Variants in TRAF3 observed in about 807,000 individuals in gnomAD.
TRAF3 encodes the protein TNF receptor associated factor 3.
Under a neutral mutation model 62.3 loss-of-function variants are expected in TRAF3, and 13 were observed. The observed-to-expected ratio is 0.21, with a 90% CI of 0.14 to 0.33. The LOEUF is 0.33. TRAF3 is among the 10% of genes least tolerant of loss of function. The probability of loss-of-function intolerance (pLI) is 1.00; values close to 1 mark genes in which losing one functional copy is unlikely to be tolerated. For missense variants in TRAF3, 440 were observed against 741.8 expected (o/e 0.59, Z 4.73); for synonymous variants, 269 against 283.4 (o/e 0.95, Z 0.51).
chr14:102,782,836 A>G (rs1897322189), intron 1 of TRAF3, among the ~76,000 whole-genome samples: 1 of 152,174 alleles, frequency 6.6e-6, no homozygotes, highest in Non-Finnish European at 1.5e-5. Flanking sequence ...TCTGTGGCAG[A>G]ACCCAAAAGC....
At chr14:102,784,429 G>A (rs750146274) in intron 1 of TRAF3, among the ~76,000 whole-genome samples, 1 of 151,970 alleles carries the variant, frequency 6.6e-6, no homozygotes, top group Non-Finnish European at 1.5e-5. Flanking sequence ...CACCACGTTG[G>A]CCAGGCTGGT....
intron 1 of TRAF3, among the ~76,000 whole-genome samples, chr14:102,804,508 G>T (rs1898649390): frequency 6.6e-6 from 1 of 152,038 alleles, no homozygotes; most frequent in Non-Finnish European, 1.5e-5. Flanking sequence ...TATTTTTTGA[G>T]TCAGGGTCTC....
chr14:102,786,453 C>A (rs1013103971), intron 1 of TRAF3, among the ~76,000 whole-genome samples: 1 of 152,128 alleles, frequency 6.6e-6, no homozygotes, highest in Non-Finnish European at 1.5e-5. Context: ...ATTGGGAAGC[C>A]GAGGTGGGTG....
intron 1 of TRAF3, among the ~76,000 whole-genome samples, chr14:102,778,515 C>A (rs1169191146): frequency 6.6e-6 from 1 of 152,152 alleles, no homozygotes; most frequent in East Asian, 1.9e-4. Context: ...TTGACGGGAC[C>A]AGTTGTATTT....
At chr14:102,871,867 C>G (rs374361634) in intron 3 of TRAF3, 50 bp from the exon 4 acceptor site, 13 of 1,580,750 alleles carry the variant, frequency 8.2e-6, no homozygotes, top group Non-Finnish European at 1.1e-5. Context: ...CCTGAGTCCT[C>G]TCAAGAAAGG....
At chr14:102,814,182 A>G (rs1279305357) in intron 1 of TRAF3, among the ~76,000 whole-genome samples, 1 of 152,206 alleles carries the variant, frequency 6.6e-6, no homozygotes, top group Non-Finnish European at 1.5e-5. Context: ...TCCTTTCCCC[A>G]ATGAATGTTC....
chr14:102,881,395 C>CAAAAAAAAAAAAAAAAAAAA (rs57546209), intron 6 of TRAF3, among the ~76,000 whole-genome samples: 1 of 117,436 alleles, frequency 8.5e-6, no homozygotes, highest in African/African-American at 2.7e-5. Flanking sequence ...ACAACAAAAA[C>CAAAAAAAAAAAAAAAAAAAA]AAAAAAAAAA....
intron 2 of TRAF3, among the ~76,000 whole-genome samples, chr14:102,831,374 C>T (rs573792265): frequency 5.7e-4 from 87 of 152,318 alleles, no homozygotes; most frequent in African/African-American, 2.1e-3. Flanking sequence ...TGAGTAACTT[C>T]CACCACAGTG....
chr14:102,871,974 C>T lies in TRAF3; in HGVS notation c.297+6C>T, dbSNP rs1454884481. 4.3e-6 allele frequency: 7 copies of T among 1,614,026 alleles called. No homozygotes were observed. The highest frequency in any genetic ancestry group is 5.1e-6 in the Non-Finnish European group (6 of 1,179,908). ...AGAGCATCGTTAAAGATAAGGTATT[C>T]TGGGGTTTTTTTTAATCATTTTGTC... On this transcript the variant is annotated splice_donor_region_variant and intron_variant, in intron 4 of 11. Coordinates refer to ENST00000392745, the MANE Select transcript of TRAF3 (RefSeq NM_145725.3).
rs1703971669 is a variant in TRAF3, at chr14:102,826,437, A to G, written c.-156-3897A>G. ...GCAGCTGCAGAGCCGCCGCTTCAGG[A>G]CAGCATGGGAGCTGCTGGAGGTCGG... On this transcript the variant is annotated intron_variant, in intron 1 of 11. Coordinates refer to ENST00000392745, the MANE Select transcript of TRAF3 (RefSeq NM_145725.3). This position sits in a 1 kb window ranked among gnomAD's most constrained non-coding sequence, Gnocchi z 4.6. 1.3e-5 allele frequency among the ~76,000 whole-genome samples: 2 copies of G among 152,132 alleles called. No individual in the cohort carries two copies. The highest frequency in any genetic ancestry group is 4.8e-5 in the African/African-American group (2 of 41,440).
intron 1 of TRAF3, among the ~76,000 whole-genome samples, chr14:102,806,489 C>T (rs1898779049): frequency 2.0e-5 from 3 of 152,096 alleles, no homozygotes; most frequent in South Asian, 4.1e-4. Flanking sequence ...AATAATTTTC[C>T]AGCTGTGGTT....
At position 102,903,158 on chromosome 14, in the gene TRAF3, C is replaced by CTGT. The variant is rs1490646298; in HGVS notation, c.961-95_961-93dup. 1.9e-6 allele frequency: 3 copies of CTGT among 1,567,616 alleles called. No individual in the cohort carries two copies. Among genetic ancestry groups the CTGT allele is most frequent in the Non-Finnish European group, 2.6e-6 (3 of 1,139,310 alleles). ...GCAGGCCTCATACAGGGGCCTCTGA[C>CTGT]TGTTCTGCTCCTAGCCTGTCTGTAT... On this transcript the variant is annotated intron_variant, in intron 10 of 11. Coordinates refer to ENST00000392745, the MANE Select transcript of TRAF3 (RefSeq NM_145725.3). The surrounding 1 kb of genome is among the most constrained non-coding windows in gnomAD (Gnocchi z 6.4).
chr14:102,878,625 G>A (rs1174217096), intron 6 of TRAF3, among the ~76,000 whole-genome samples: 5 of 152,220 alleles, frequency 3.3e-5, no homozygotes, highest in African/African-American at 9.7e-5. Flanking sequence ...ACATCGGGTA[G>A]TGATCAGTTC....
intron 2 of TRAF3, among the ~76,000 whole-genome samples, chr14:102,835,237 A>G (rs6575931): frequency 0.38 from 57,016 of 151,604 alleles, 13,896 homozygotes; most frequent in African/African-American, 0.69. Context: ...ACTATTATTA[A>G]AAAGTCAAAA....
chr14:102,781,112 C>T (rs1452609053), intron 1 of TRAF3, among the ~76,000 whole-genome samples: 1 of 152,182 alleles, frequency 6.6e-6, no homozygotes, highest in South Asian at 2.1e-4. Flanking sequence ...TGGGAAGCGG[C>T]GTTGAGTTGA....
intron 7 of TRAF3, among the ~76,000 whole-genome samples, chr14:102,886,529 A>T (rs1889399824): frequency 6.6e-6 from 1 of 152,050 alleles, no homozygotes; most frequent in Non-Finnish European, 1.5e-5. Flanking sequence ...GCCTAGGCAG[A>T]TGGATCACCT....
At chr14:102,849,664 C>T (rs1886921431) in intron 2 of TRAF3, among the ~76,000 whole-genome samples, 1 of 152,170 alleles carries the variant, frequency 6.6e-6, no homozygotes, top group African/African-American at 2.4e-5. Context: ...CTGTGTTCTG[C>T]CTGCCTGTCT....
intron 2 of TRAF3, among the ~76,000 whole-genome samples, chr14:102,863,844 C>T (rs1274924549): frequency 6.6e-6 from 1 of 152,154 alleles, no homozygotes; most frequent in Non-Finnish European, 1.5e-5. Context: ...AAAGTCAAGC[C>T]CTTTGAGCCA....
intron 9 of TRAF3, among the ~76,000 whole-genome samples, chr14:102,896,117 C>A (rs934751367): frequency 1.3e-5 from 2 of 152,104 alleles, no homozygotes; most frequent in South Asian, 2.1e-4. Flanking sequence ...ACACACATTG[C>A]GGAATAATTA....
Sources: gnomAD v4.1 joint callset for allele counts (sites outside exome capture counted in the v4.1 genomes callset) on GRCh38, gnomAD v4.1.1 for gene constraint, Gnocchi (gnomAD v3.1) non-coding constraint, MANE v1.5 for transcripts, NCBI Gene and HGNC (gene_info 2026-07-23, HGNC 2026-07-21) for gene names.